Variants in RIC1 observed in about 807,000 individuals in gnomAD.
RIC1 encodes the protein RIC1 partner of RAB6A GEF complex.
In RIC1, 88 loss-of-function variants were observed where a neutral mutation model predicts 169.0. The observed-to-expected ratio is 0.52, with a 90% CI of 0.44 to 0.62. The LOEUF is 0.62. Among genes scored for constraint, RIC1 ranks in the 20% least tolerant of loss-of-function variants. RIC1 has a pLI of 0.00. For missense variants in RIC1, 1,877 were observed against 1,725.5 expected, an observed-to-expected ratio of 1.09 and a Z score of -1.56; for synonymous variants, 790 against 601.5, an observed-to-expected ratio of 1.31 and a Z score of -4.59.
rs574642869 is a variant in RIC1, at chr9:5,763,238, C to G, written c.2211C>G (p.Leu737=). 5.2e-5 allele frequency: 84 copies of G among 1,614,148 alleles called. No homozygotes were observed. The East Asian group carries it at 1.9e-3, about 36-fold the overall frequency. ...AGAAACGTCACCTTCTGGAGGCCCTCTGGCTGAGCTGTGGTGGTGCAGGGA... is the reference window on the plus strand; with the variant it reads ...AGAAACGTCACCTTCTGGAGGCCCTGTGGCTGAGCTGTGGTGGTGCAGGGA... The part of the protein sequence containing the change: ...NKQKRHLLEA[L]WLSCGGAGMK... Residue 737 remains leucine (L), a synonymous_variant, in exon 19 of 26, where the codon CTC becomes CTG. Transcript: ENST00000414202. This position sits in a 1 kb window ranked among gnomAD's most constrained non-coding sequence, Gnocchi z 5.2.
rs1447381337 is a variant in RIC1, at chr9:5,656,674, C to T, written c.236C>T (p.Thr79Ile). 4.4e-6 allele frequency: 7 copies of T among 1,593,414 alleles called. No homozygotes were observed. Among genetic ancestry groups the T allele is most frequent in the East Asian group, 2.2e-5 (1 of 44,668 alleles). The change falls in exon 2 of 26, where the codon ACC (threonine) becomes ATC (isoleucine). Residue 79 changes from threonine to isoleucine, a missense_variant. Transcript: ENST00000414202. ...YKQAEWRPDS[T>I]MIAVSTANGY... is the part of the protein sequence containing the mutation. ...CAAGCTGAATGGAGGCCAGATAGTA[C>T]CATGATAGCTGTATCAGTAAGTAGA...
chr9:5,702,322 C>A (rs1423893620), intron 3 of RIC1, among the ~76,000 whole-genome samples: 2 of 152,026 alleles, frequency 1.3e-5, no homozygotes, highest in Admixed American at 1.3e-4. Flanking sequence ...ACACCTAAGA[C>A]TGGGTAATTT....
intron 1 of RIC1, among the ~76,000 whole-genome samples, chr9:5,636,658 G>T (rs1287393302): frequency 6.6e-6 from 1 of 152,118 alleles, no homozygotes; most frequent in South Asian, 2.1e-4. Flanking sequence ...CATTGTTCTT[G>T]TGTAGAAACA....
At chr9:5,661,141 T>C (rs996392929) in intron 2 of RIC1, among the ~76,000 whole-genome samples, 2 of 152,088 alleles carry the variant, frequency 1.3e-5, no homozygotes, top group African/African-American at 4.8e-5. Context: ...GATCAGATGG[T>C]GTAGGTGGGT....
At position 5,762,640 on chromosome 9, in the gene RIC1, C is replaced by T; in HGVS notation, c.2092C>T (p.Pro698Ser). ...GPQIREKDSN[P>S]NNQRKLLPFC... ...ACAGATCCGGGAGAAGGACAGTAAC[C>T]CTAATAACCAAAGGAAACTTGTGAG... is the stretch of plus-strand genomic sequence containing the variant. Residue 698 changes from proline (P) to serine (S), a missense_variant, in exon 18 of 26, where the codon CCT (proline) becomes TCT (serine). Physicochemically the swap from Pro to Ser is moderately conservative, Grantham distance 74. Coordinates refer to ENST00000414202, the MANE Select transcript of RIC1 (RefSeq NM_020829.4). The T allele has an allele frequency of 6.2e-7, 1 of 1,613,742 alleles. No individual in the cohort carries two copies. Among genetic ancestry groups the T allele is most frequent in the Non-Finnish European group, 8.5e-7 (1 of 1,179,856 alleles).
At chr9:5,728,034 G>T (rs1824110497) in intron 6 of RIC1, among the ~76,000 whole-genome samples, 1 of 152,198 alleles carries the variant, frequency 6.6e-6, no homozygotes, top group African/African-American at 2.4e-5. Flanking sequence ...TCAGACCTCA[G>T]ACTCCGTGCT....
At chr9:5,778,248 G>T (rs781340436), downstream of RIC1, among the ~76,000 whole-genome samples, 27 of 152,194 alleles carry the variant, frequency 1.8e-4, no homozygotes, top group Non-Finnish European at 2.1e-4. Context: ...AATTGCTTCT[G>T]TATATTGACA....
Position 5,643,683 on chromosome 9 carries a change from C to G in RIC1, c.145-12900C>G, listed in dbSNP as rs142102552. Among the ~76,000 whole-genome samples, 558 of 152,002 alleles carry G rather than the reference C, an allele frequency of 3.7e-3. 3 individuals are homozygous for G. The highest frequency in any genetic ancestry group is 0.01 in the Middle Eastern group (3 of 294). ...GAGGAGTTGAAAAAAGATTTTTTTCCTATGTGATTGTTTACTTCAGTATTT... is the reference window on the plus strand; with the variant it reads ...GAGGAGTTGAAAAAAGATTTTTTTCGTATGTGATTGTTTACTTCAGTATTT... On this transcript the variant is annotated intron_variant, in intron 1 of 25. Coordinates refer to ENST00000414202, the MANE Select transcript of RIC1 (RefSeq NM_020829.4).
At chr9:5,686,795 T>C (rs1218673852) in intron 2 of RIC1, among the ~76,000 whole-genome samples, 1 of 151,766 alleles carries the variant, frequency 6.6e-6, no homozygotes, top group Non-Finnish European at 1.5e-5. Flanking sequence ...AAAAAGAATA[T>C]GTTAATGAGG....
intron 2 of RIC1, among the ~76,000 whole-genome samples, chr9:5,667,896 A>G (rs1819875821): frequency 6.6e-6 from 1 of 152,126 alleles, no homozygotes; most frequent in African/African-American, 2.4e-5. Context: ...GGGTATCTTT[A>G]TAGCAGCACC....
intron 5 of RIC1, 86 bp from the exon 6 acceptor site, chr9:5,720,528 T>A: frequency 7.4e-7 from 1 of 1,355,560 alleles, no homozygotes; most frequent in Non-Finnish European, 1.0e-6. Flanking sequence ...TTTACCCTTT[T>A]AAACTTACAG....
intron 10 of RIC1, among the ~76,000 whole-genome samples, chr9:5,744,225 C>A (rs1469835554): frequency 6.6e-6 from 1 of 151,880 alleles, no homozygotes; most frequent in African/African-American, 2.4e-5. Context: ...CAGATGAGGC[C>A]TTTTTTGTAT....
rs1037292423 is a variant in RIC1 at position 5,632,700 on chromosome 9, C to G, written c.144+3247C>G. On this transcript the variant is annotated intron_variant, in intron 1 of 25. Coordinates refer to ENST00000414202, the MANE Select transcript of RIC1 (RefSeq NM_020829.4). ...GTTATTGTAAAAGGACTAGTTTCAG[C>G]TTTGAGGATGAAACTGTTGCATAAG... 2.6e-5 allele frequency among the ~76,000 whole-genome samples: 4 copies of G among 152,082 alleles called. 1 individual carries two copies. In the South Asian group the frequency reaches 8.3e-4, roughly 32 times the overall value.
At chr9:5,671,015 G>A (rs1820058947) in intron 2 of RIC1, among the ~76,000 whole-genome samples, 1 of 152,032 alleles carries the variant, frequency 6.6e-6, no homozygotes, top group African/African-American at 2.4e-5. Context: ...AACCTGAGAA[G>A]GTATCTGAAA....
chr9:5,638,206 A>G (rs967301914), intron 1 of RIC1, among the ~76,000 whole-genome samples: 2 of 152,198 alleles, frequency 1.3e-5, no homozygotes, highest in African/African-American at 2.4e-5. Flanking sequence ...CCACTTGTTC[A>G]TGATGAATGA....
At chr9:5,655,243 A>T (rs952483026) in intron 1 of RIC1, among the ~76,000 whole-genome samples, 1 of 151,986 alleles carries the variant, frequency 6.6e-6, no homozygotes, top group Non-Finnish European at 1.5e-5. Flanking sequence ...TATTCCCGAG[A>T]GGTTTTTTTA....
intron 1 of RIC1, among the ~76,000 whole-genome samples, chr9:5,646,379 A>T (rs995513619): frequency 2.6e-5 from 4 of 152,196 alleles, no homozygotes; most frequent in Non-Finnish European, 4.4e-5. Flanking sequence ...TGTTCCTGTC[A>T]ACAGACTGCA....
chr9:5,670,296 G>C (rs1432158719), intron 2 of RIC1, among the ~76,000 whole-genome samples: 1 of 152,138 alleles, frequency 6.6e-6, no homozygotes, highest in Non-Finnish European at 1.5e-5. Flanking sequence ...GCAGGCGTCT[G>C]CCTGAACTAA....
chr9:5,682,536 T>C (rs1820919282), intron 2 of RIC1, among the ~76,000 whole-genome samples: 1 of 152,216 alleles, frequency 6.6e-6, no homozygotes, highest in Non-Finnish European at 1.5e-5. Context: ...CGGCTGTTAG[T>C]CTGATGGGCT....
Sources: gnomAD v4.1 joint callset for allele counts (sites outside exome capture counted in the v4.1 genomes callset) on GRCh38, gnomAD v4.1.1 for gene constraint, Gnocchi (gnomAD v3.1) non-coding constraint, MANE v1.5 for transcripts, NCBI Gene and HGNC (gene_info 2026-07-23, HGNC 2026-07-21) for gene names.